ROR1: variants seen among roughly 807,000 people sequenced by gnomAD.
The protein encoded by ROR1 is inactive tyrosine-protein kinase transmembrane receptor ROR1.
ROR1 carries 19 observed loss-of-function variants against 78.8 expected under a neutral mutation model. The observed-to-expected ratio is 0.24, with a 90% CI of 0.17 to 0.35. The LOEUF is 0.35. ROR1 is among the 10% of genes least tolerant of loss of function. The probability of loss-of-function intolerance (pLI) is 1.00; values close to 1 mark genes in which losing one functional copy is unlikely to be tolerated. For missense variants in ROR1, 917 were observed against 1,177.8 expected, an observed-to-expected ratio of 0.78 and a Z score of 3.24; for synonymous variants, 386 against 433.6, an observed-to-expected ratio of 0.89 and a Z score of 1.36.
chr1:63,783,806 G>A (rs1383154762), intron 1 of ROR1, among the ~76,000 whole-genome samples: 1 of 152,180 alleles, frequency 6.6e-6, no homozygotes, highest in East Asian at 1.9e-4. Context: ...TCCTGACCAG[G>A]TCTTTCACCG....
At chr1:64,118,377 C>A (rs1016758168) in intron 4 of ROR1, among the ~76,000 whole-genome samples, 2 of 151,598 alleles carry the variant, frequency 1.3e-5, no homozygotes, top group Non-Finnish European at 1.5e-5. Context: ...GCCTGTAATC[C>A]CAGCACTTTG....
chr1:64,130,906 C>T (rs558515487), intron 4 of ROR1, among the ~76,000 whole-genome samples: 1 of 152,202 alleles, frequency 6.6e-6, no homozygotes, highest in Non-Finnish European at 1.5e-5. Context: ...AAGCTTCACA[C>T]TCAGCTCGAG....
At chr1:63,989,292 G>GT (rs1040633046) in intron 1 of ROR1, among the ~76,000 whole-genome samples, 18 of 151,584 alleles carry the variant, frequency 1.2e-4, no homozygotes, top group South Asian at 8.3e-4. Flanking sequence ...AGCCTGAGGG[G>GT]TTTTTTTGGA....
intron 1 of ROR1, among the ~76,000 whole-genome samples, chr1:63,925,667 C>T (rs1270550054): frequency 6.6e-6 from 1 of 150,922 alleles, no homozygotes; most frequent in Non-Finnish European, 1.5e-5. Flanking sequence ...ACATCCTCTC[C>T]AGCACCTGTT....
chr1:64,042,900 T>A (rs756847399), intron 2 of ROR1, among the ~76,000 whole-genome samples: 3 of 152,250 alleles, frequency 2.0e-5, no homozygotes, highest in Non-Finnish European at 2.9e-5. Flanking sequence ...ATGACCTAAC[T>A]GTGTTTGGCA....
At chr1:64,061,046 C>T (rs1029015889) in intron 4 of ROR1, among the ~76,000 whole-genome samples, 2 of 152,166 alleles carry the variant, frequency 1.3e-5, no homozygotes, top group African/African-American at 4.8e-5. Flanking sequence ...AGCTTGTTCA[C>T]CAGGCTGTGA....
intron 4 of ROR1, among the ~76,000 whole-genome samples, chr1:64,059,353 G>T (rs1646898927): frequency 1.3e-5 from 2 of 152,064 alleles, no homozygotes; most frequent in African/African-American, 2.4e-5. Context: ...TTTGCCGTTT[G>T]TTTGGTGAAT....
chr1:63,941,010 CATA>C (rs1473810187), intron 1 of ROR1, among the ~76,000 whole-genome samples: 1 of 152,110 alleles, frequency 6.6e-6, no homozygotes, highest in African/African-American at 2.4e-5. Context: ...GAACATTCCA[CATA>C]ATAACTGTCC....
At chr1:63,964,189 A>G (rs1646055564) in intron 1 of ROR1, among the ~76,000 whole-genome samples, 2 of 152,190 alleles carry the variant, frequency 1.3e-5, no homozygotes, top group Non-Finnish European at 2.9e-5. Context: ...TAGCCACCTA[A>G]GTCTTCTGAC....
At chr1:64,152,865 CTGAT>C (rs1280885228) in intron 7 of ROR1, among the ~76,000 whole-genome samples, 3 of 152,102 alleles carry the variant, frequency 2.0e-5, no homozygotes, top group East Asian at 1.9e-4. Context: ...TGTTGATTGA[CTGAT>C]TAACACTATT....
chr1:64,149,641 G>A (rs560774687), intron 7 of ROR1, among the ~76,000 whole-genome samples: 1 of 152,262 alleles, frequency 6.6e-6, no homozygotes, highest in South Asian at 2.1e-4. Context: ...GAAGCCCCAT[G>A]TCTCCTCCAG....
chr1:63,978,576 G>C (rs561553314), intron 1 of ROR1, among the ~76,000 whole-genome samples: 2 of 152,286 alleles, frequency 1.3e-5, no homozygotes, highest in South Asian at 2.1e-4. Context: ...ACATGTTGTA[G>C]TTTTGTTATA....
At chr1:63,991,618 G>A (rs1646297149) in intron 1 of ROR1, among the ~76,000 whole-genome samples, 1 of 152,192 alleles carries the variant, frequency 6.6e-6, no homozygotes, top group African/African-American at 2.4e-5. Context: ...TGGGCCTGTT[G>A]TCTTCCAGGT....
chr1:64,142,998 A>G, intron 7 of ROR1: 4 of 1,100,154 alleles, frequency 3.6e-6, no homozygotes, highest in Non-Finnish European at 4.4e-6. Flanking sequence ...TTTTCAGCAA[A>G]AAAAGGAATA....
chr1:64,036,069 G>A (rs749709032), intron 2 of ROR1, among the ~76,000 whole-genome samples: 12 of 152,138 alleles, frequency 7.9e-5, no homozygotes, highest in Non-Finnish European at 1.5e-4. Context: ...GGTTTGAGTT[G>A]GGAACAAACC....
At chr1:64,140,463 G>C in intron 6 of ROR1, 37 bp downstream of exon 6, 1 of 1,588,982 alleles carries the variant, frequency 6.3e-7, no homozygotes, top group Non-Finnish European at 8.6e-7. Context: ...GCTCTTCTAA[G>C]GGTCAGCAAC....
At chr1:63,900,413 C>T (rs1015165406) in intron 1 of ROR1, among the ~76,000 whole-genome samples, 5 of 131,336 alleles carry the variant, frequency 3.8e-5, no homozygotes, top group African/African-American at 5.6e-5. Context: ...AAGGTGGTGG[C>T]GTTGCACTCC....
intron 4 of ROR1, among the ~76,000 whole-genome samples, chr1:64,082,612 C>T (rs1477585255): frequency 6.6e-6 from 1 of 152,208 alleles, no homozygotes; most frequent in Admixed American, 6.5e-5. Context: ...AAGCTGAGGT[C>T]ACCCTCTGCC....
intron 1 of ROR1, among the ~76,000 whole-genome samples, chr1:63,900,747 C>A (rs1052247353): frequency 6.6e-6 from 1 of 151,986 alleles, no homozygotes; most frequent in Non-Finnish European, 1.5e-5. Context: ...ATTTTCTATT[C>A]GTATGCATTA....
Sources: allele counts gnomAD v4.1 joint callset (sites outside exome capture counted in the v4.1 genomes callset), GRCh38; gene constraint gnomAD v4.1.1; transcripts MANE v1.5; gene names NCBI Gene and HGNC (gene_info 2026-07-23, HGNC 2026-07-21).